The following SNTG1 variants were observed in gnomAD, a reference collection of about 807,000 sequenced individuals.
The protein encoded by SNTG1 is syntrophin gamma 1, also known as gamma-1-syntrophin.
A neutral mutation model predicts 74.7 loss-of-function variants in SNTG1; 39 were observed. The observed-to-expected ratio is 0.52, with a 90% confidence interval of 0.40 to 0.68. SNTG1 has a LOEUF of 0.68. SNTG1 is among the 30% of genes least tolerant of loss of function. SNTG1 has a pLI of 0.00. For missense variants in SNTG1, 685 were observed against 609.5 expected, an observed-to-expected ratio of 1.12 and a Z score of -1.30; for synonymous variants, 254 against 217.1, an observed-to-expected ratio of 1.17 and a Z score of -1.49.
intron 8 of SNTG1, among the ~76,000 whole-genome samples, chr8:50,496,151 A>T (rs1480872237): frequency 6.6e-6 from 1 of 152,196 alleles, no homozygotes; most frequent in Non-Finnish European, 1.5e-5. Context: ...TTCAGATAGG[A>T]TCCAGAATAA....
chr8:50,484,006 G>A (rs1180700348), intron 8 of SNTG1, among the ~76,000 whole-genome samples: 1 of 152,060 alleles, frequency 6.6e-6, no homozygotes, highest in Non-Finnish European at 1.5e-5. Context: ...TCCATCTAAT[G>A]TGGTTATATC....
chr8:50,432,801 C>G (rs1234774634), intron 4 of SNTG1, among the ~76,000 whole-genome samples: 1 of 149,370 alleles, frequency 6.7e-6, no homozygotes, highest in Non-Finnish European at 1.5e-5. Context: ...TTTATTTATT[C>G]ATTTTTTTGA....
intron 1 of SNTG1, among the ~76,000 whole-genome samples, chr8:50,012,714 C>G (rs1294043397): frequency 6.6e-6 from 1 of 152,022 alleles, no homozygotes; most frequent in Admixed American, 6.6e-5. Flanking sequence ...AGTCTGGAGA[C>G]AGAGACAAAA....
intron 1 of SNTG1, among the ~76,000 whole-genome samples, chr8:50,088,247 A>T (rs1041855440): frequency 1.3e-5 from 2 of 151,106 alleles, no homozygotes; most frequent in Non-Finnish European, 2.9e-5. Flanking sequence ...TATTGATGGG[A>T]CGTATTTCAA....
At chr8:50,054,538 T>G (rs1819863182) in intron 1 of SNTG1, among the ~76,000 whole-genome samples, 1 of 152,178 alleles carries the variant, frequency 6.6e-6, no homozygotes, top group Non-Finnish European at 1.5e-5. Flanking sequence ...CATATCATTT[T>G]TCATACTGTT....
intron 2 of SNTG1, among the ~76,000 whole-genome samples, chr8:50,229,897 T>C (rs2085529379): frequency 6.6e-6 from 1 of 151,712 alleles, no homozygotes; most frequent in South Asian, 2.1e-4. Flanking sequence ...CAGACTTCAA[T>C]AGAGTTATGC....
chr8:50,130,833 G>T (rs550828212), intron 1 of SNTG1, among the ~76,000 whole-genome samples: 1 of 152,134 alleles, frequency 6.6e-6, no homozygotes, highest in South Asian at 2.1e-4. Flanking sequence ...GAGTAAAAAA[G>T]TATGGGAGCT....
intron 2 of SNTG1, among the ~76,000 whole-genome samples, chr8:50,206,560 C>A (rs1272720320): frequency 1.3e-5 from 2 of 152,134 alleles, no homozygotes; most frequent in African/African-American, 2.4e-5. Context: ...CCCTTTATTT[C>A]TTTCTCCTTC....
chr8:50,377,715 G>A (rs2092412652), intron 2 of SNTG1, among the ~76,000 whole-genome samples: 1 of 152,090 alleles, frequency 6.6e-6, no homozygotes, highest in South Asian at 2.1e-4. Context: ...TGACATAATT[G>A]CCTAATATTA....
intron 15 of SNTG1, among the ~76,000 whole-genome samples, chr8:50,666,817 A>G (rs377610915): frequency 2.6e-5 from 4 of 152,070 alleles, no homozygotes; most frequent in African/African-American, 4.8e-5. Flanking sequence ...AGAAAAAATA[A>G]CTTTTTAAAA....
intron 4 of SNTG1, among the ~76,000 whole-genome samples, chr8:50,419,573 A>G (rs1394567078): frequency 6.6e-6 from 1 of 152,162 alleles, no homozygotes. Flanking sequence ...GAGACCTCTC[A>G]GAGAGCAGTA....
intron 8 of SNTG1, among the ~76,000 whole-genome samples, chr8:50,499,676 A>G (rs1381409528): frequency 6.7e-6 from 1 of 149,556 alleles, no homozygotes; most frequent in Non-Finnish European, 1.5e-5. Context: ...TTTTTTTTTT[A>G]TAGCTTCCCT....
Position 50,078,797 on chromosome 8 carries a change from G to T in SNTG1, c.-102-93764G>T, listed in dbSNP as rs564359331. 5.3e-5 allele frequency among the ~76,000 whole-genome samples: 8 copies of T among 152,304 alleles called. No individual in the cohort carries two copies. The South Asian group carries it at 1.7e-3, about 32-fold the overall frequency. On this transcript the variant is annotated intron_variant, in intron 1 of 18. Transcript: ENST00000642720. Reference sequence around the variant, plus strand: ...CTCATTGCTCAACTCCCACTTGGGAGTGAGAAAATGCAGTTTTTGGTTTTC... The same window carrying T: ...CTCATTGCTCAACTCCCACTTGGGATTGAGAAAATGCAGTTTTTGGTTTTC...
intron 1 of SNTG1, chr8:50,164,092 C>CTTTTTTT (rs3086088): frequency 9.9e-4 from 71 of 72,008 alleles, no homozygotes; most frequent in African/African-American, 1.3e-3. Context: ...GACACAATTT[C>CTTTTTTT]TTTTTTTTTT....
chr8:49,947,145 C>G (rs755156890), intron 1 of SNTG1, among the ~76,000 whole-genome samples: 1 of 151,848 alleles, frequency 6.6e-6, no homozygotes, highest in Non-Finnish European at 1.5e-5. Context: ...ACTAAAAATA[C>G]AAAAAATTAG....
intron 2 of SNTG1, among the ~76,000 whole-genome samples, chr8:50,183,243 C>T (rs982379900): frequency 1.3e-5 from 2 of 152,218 alleles, no homozygotes; most frequent in African/African-American, 4.8e-5. Context: ...CAGTGTTTCT[C>T]TGCGCTATTT....
rs566202600 is a variant in SNTG1, at chr8:50,127,382, TG to T, written c.-102-45178del. Among the ~76,000 whole-genome samples, 211 of 152,244 alleles carry T rather than the reference TG, an allele frequency of 1.4e-3. 1 individual carries two copies. Among genetic ancestry groups the T allele is most frequent in the Middle Eastern group, 0.01 (3 of 294 alleles). ...ACTTACTTAGCAATAGTAAAAACAG[TG>T]CATCAGATTTAATCATCTTGAATGA... is the stretch of plus-strand genomic sequence containing the variant. On this transcript the variant is annotated intron_variant, in intron 1 of 18. Coordinates refer to ENST00000642720, the MANE Select transcript of SNTG1 (RefSeq NM_018967.5).
At chr8:50,610,704 A>T (rs2094843661) in intron 13 of SNTG1, among the ~76,000 whole-genome samples, 1 of 152,212 alleles carries the variant, frequency 6.6e-6, no homozygotes, top group Admixed American at 6.5e-5. Flanking sequence ...GTTCATGTGA[A>T]CAAAGTAAGT....
At chr8:50,470,902 T>C (rs934619324) in intron 8 of SNTG1, among the ~76,000 whole-genome samples, 1 of 152,190 alleles carries the variant, frequency 6.6e-6, no homozygotes, top group East Asian at 1.9e-4. Context: ...ATCCTGCTCA[T>C]TGGTCCATTT....
Sources: gnomAD v4.1 joint callset for allele counts (sites outside exome capture counted in the v4.1 genomes callset) on GRCh38, gnomAD v4.1.1 for gene constraint, MANE v1.5 for transcripts, NCBI Gene and HGNC (gene_info 2026-07-23, HGNC 2026-07-21) for gene names.